Variants in RSPO2 observed in about 807,000 individuals in gnomAD.
RSPO2 encodes the protein R-spondin 2, also known as R-spondin-2.
In RSPO2, 14 loss-of-function variants were observed where a neutral mutation model predicts 30.9. The ratio of observed to expected loss-of-function variants is 0.45; its 90% CI spans 0.30 to 0.71. RSPO2 has a LOEUF of 0.71. RSPO2 is among the 30% of genes least tolerant of loss of function. The probability of loss-of-function intolerance (pLI) is 0.08; values close to 1 mark genes in which losing one functional copy is unlikely to be tolerated. For synonymous variants in RSPO2, 107 were observed against 96.4 expected (o/e 1.11, Z -0.64); for missense variants, 264 against 301.9 (o/e 0.87, Z 0.93).
chr8:108,022,126 C>T (rs1563567485), intron 2 of RSPO2, among the ~76,000 whole-genome samples: 1 of 152,074 alleles, frequency 6.6e-6, no homozygotes. Flanking sequence ...TAGGTGGTCA[C>T]CTCCCCACAC....
intron 5 of RSPO2, among the ~76,000 whole-genome samples, chr8:107,927,123 G>T (rs2130331228): frequency 6.6e-6 from 1 of 152,282 alleles, no homozygotes; most frequent in South Asian, 2.1e-4. Flanking sequence ...TCCCTTGTAA[G>T]TTGGATTCCT....
intron 2 of RSPO2, among the ~76,000 whole-genome samples, chr8:108,007,625 A>T (rs1440888708): frequency 2.0e-5 from 3 of 152,228 alleles, no homozygotes; most frequent in African/African-American, 7.2e-5. Context: ...ATCTTCAGGC[A>T]AACAGAACTT....
chr8:108,041,693 G>A (rs1271515862), intron 2 of RSPO2, among the ~76,000 whole-genome samples: 1 of 152,034 alleles, frequency 6.6e-6, no homozygotes, highest in Non-Finnish European at 1.5e-5. Context: ...AGACACCATA[G>A]AATAAAGATC....
intron 2 of RSPO2, among the ~76,000 whole-genome samples, chr8:108,036,139 T>C (rs1811588502): frequency 6.6e-6 from 1 of 152,126 alleles, no homozygotes; most frequent in Non-Finnish European, 1.5e-5. Context: ...TTGCTATCCT[T>C]AGAGATATTA....
At chr8:108,070,493 C>T (rs1174471334) in intron 2 of RSPO2, among the ~76,000 whole-genome samples, 1 of 151,890 alleles carries the variant, frequency 6.6e-6, no homozygotes, top group Non-Finnish European at 1.5e-5. Context: ...GGGGTTTCAC[C>T]TTGTTAGCCA....
chr8:108,039,217 T>C (rs369417345), intron 2 of RSPO2, among the ~76,000 whole-genome samples: 24 of 152,338 alleles, frequency 1.6e-4, no homozygotes, highest in African/African-American at 5.3e-4. Context: ...AACACTTTAA[T>C]AATCTGGAAA....
chr8:108,006,700 A>C (rs761093925), intron 2 of RSPO2, among the ~76,000 whole-genome samples: 12 of 152,182 alleles, frequency 7.9e-5, no homozygotes, highest in Non-Finnish European at 5.9e-5. Flanking sequence ...CCAAATTCTG[A>C]AAAAGATTGT....
At chr8:108,019,305 G>A (rs1168737375) in intron 2 of RSPO2, among the ~76,000 whole-genome samples, 1 of 151,980 alleles carries the variant, frequency 6.6e-6, no homozygotes, top group African/African-American at 2.4e-5. Context: ...AGCGAGCGGA[G>A]ATTACACCAC....
intron 3 of RSPO2, among the ~76,000 whole-genome samples, chr8:107,981,294 G>A (rs1814422562): frequency 6.6e-6 from 1 of 152,062 alleles, no homozygotes; most frequent in Admixed American, 6.5e-5. Flanking sequence ...CAAGATGGGG[G>A]GATTTCCTGA....
At chr8:108,003,311 A>C (rs983380673) in intron 2 of RSPO2, among the ~76,000 whole-genome samples, 56 of 29,010 alleles carry the variant, frequency 1.9e-3, no homozygotes, top group African/African-American at 6.6e-3. Flanking sequence ...ATATATATAT[A>C]TTTTTTTTTT....
chr8:107,965,630 G>C (rs766083377), intron 3 of RSPO2, among the ~76,000 whole-genome samples: 16 of 151,506 alleles, frequency 1.1e-4, no homozygotes, highest in Non-Finnish European at 1.9e-4. Flanking sequence ...TTTCTGTCCT[G>C]CCATTCAAGT....
chr8:107,990,274 A>C (rs760644130), intron 2 of RSPO2, among the ~76,000 whole-genome samples: 1 of 152,178 alleles, frequency 6.6e-6, no homozygotes, highest in Non-Finnish European at 1.5e-5. Context: ...ACGTTCCAAT[A>C]CATGATTAGT....
chr8:108,072,195 A>C (rs562387878), intron 2 of RSPO2, among the ~76,000 whole-genome samples: 41 of 152,254 alleles, frequency 2.7e-4, no homozygotes, highest in Non-Finnish European at 8.8e-5. Context: ...AGAGTGAATA[A>C]CTAAACATGA....
intron 3 of RSPO2, among the ~76,000 whole-genome samples, chr8:107,972,499 C>T (rs1814036570): frequency 6.6e-6 from 1 of 152,024 alleles, no homozygotes; most frequent in African/African-American, 2.4e-5. Context: ...AAAAATACTT[C>T]AGATTATGCA....
intron 3 of RSPO2, among the ~76,000 whole-genome samples, chr8:107,986,999 G>A (rs1814665381): frequency 6.6e-6 from 1 of 152,146 alleles, no homozygotes; most frequent in East Asian, 1.9e-4. Context: ...AACTGGTGGG[G>A]AGTTGTTTCC....
intron 5 of RSPO2, among the ~76,000 whole-genome samples, chr8:107,927,973 CCTAA>C (rs1812438159): frequency 6.6e-6 from 1 of 152,026 alleles, no homozygotes; most frequent in South Asian, 2.1e-4. Context: ...TTCTAAAATT[CCTAA>C]CTAATCAGAA....
intron 5 of RSPO2, among the ~76,000 whole-genome samples, chr8:107,928,868 A>G (rs771585372): frequency 4.6e-5 from 7 of 152,230 alleles, no homozygotes; most frequent in Non-Finnish European, 8.8e-5. Flanking sequence ...GCATCAGTAC[A>G]TGTTAGTGGT....
At chr8:107,918,122 T>G (rs1260342766) in intron 5 of RSPO2, among the ~76,000 whole-genome samples, 1 of 152,206 alleles carries the variant, frequency 6.6e-6, no homozygotes, top group African/African-American at 2.4e-5. Context: ...GTAATCTTTT[T>G]TAAAAACTTT....
chr8:107,952,637 G>C (rs1813291807), intron 5 of RSPO2, among the ~76,000 whole-genome samples: 1 of 152,096 alleles, frequency 6.6e-6, no homozygotes, highest in Admixed American at 6.6e-5. Context: ...GAGAAATAAA[G>C]AACATATGTC....
Sources: allele counts gnomAD v4.1 joint callset (sites outside exome capture counted in the v4.1 genomes callset), GRCh38; gene constraint gnomAD v4.1.1; transcripts MANE v1.5; gene names NCBI Gene and HGNC (gene_info 2026-07-23, HGNC 2026-07-21).